Variants in PBRM1 observed in about 807,000 individuals in gnomAD.
PBRM1 encodes protein polybromo-1.
In PBRM1, 27 loss-of-function variants were observed where a neutral mutation model predicts 194.5. The ratio of observed to expected loss-of-function variants is 0.14; its 90% CI spans 0.10 to 0.19. The LOEUF (loss-of-function observed/expected upper bound fraction) is 0.19. PBRM1 is among the 10% of genes least tolerant of loss of function. PBRM1 has a pLI of 1.00. For synonymous variants in PBRM1, 655 were observed against 693.2 expected, an observed-to-expected ratio of 0.94 and a Z score of 0.87; for missense variants, 1,466 against 2,077.2, an observed-to-expected ratio of 0.71 and a Z score of 5.72.
chr3:52,549,067 C>G (rs1202666894), intron 29 of PBRM1, among the ~76,000 whole-genome samples: 1 of 150,790 alleles, frequency 6.6e-6, no homozygotes, highest in Admixed American at 6.6e-5. Context: ...GTCACCCAGG[C>G]TGGAGTGCAG....
At chr3:52,599,786 C>T (rs774037080) in intron 17 of PBRM1, among the ~76,000 whole-genome samples, 32 of 151,106 alleles carry the variant, frequency 2.1e-4, no homozygotes, top group Non-Finnish European at 3.4e-4. Flanking sequence ...ACTGAGATCA[C>T]GCCACTGCAC....
At chr3:52,569,175 AGCCACT>A (rs1300070879) in intron 22 of PBRM1, among the ~76,000 whole-genome samples, 1 of 151,182 alleles carries the variant, frequency 6.6e-6, no homozygotes, top group Non-Finnish European at 1.5e-5. Flanking sequence ...AACAGGAGTG[AGCCACT>A]GCACCCGATT....
intron 16 of PBRM1, among the ~76,000 whole-genome samples, chr3:52,604,628 G>C (rs144484028): frequency 3.3e-5 from 5 of 152,124 alleles, no homozygotes; most frequent in Non-Finnish European, 7.4e-5. Context: ...AGGAGTTCAA[G>C]GGTGCAGTAA....
intron 2 of PBRM1, among the ~76,000 whole-genome samples, chr3:52,674,642 A>AT (rs2097051198): frequency 0.012 from 821 of 69,194 alleles, 1 homozygote; most frequent in East Asian, 0.054. Flanking sequence ...AAAAAAAAAA[A>AT]AATATATATA....
chr3:52,629,208 T>C (rs978675915), intron 11 of PBRM1, among the ~76,000 whole-genome samples, 173 bp from the exon 13 acceptor site: 9 of 152,140 alleles, frequency 5.9e-5, no homozygotes, highest in Non-Finnish European at 7.4e-5. Flanking sequence ...AAAAGCACCA[T>C]TACATTAAGG....
intron 25 of PBRM1, 132 bp from the exon 28 acceptor site, chr3:52,558,545 G>T: frequency 1.4e-6 from 1 of 722,818 alleles, no homozygotes. Flanking sequence ...TAGATGACTA[G>T]TCTCAACACA....
At position 52,563,741 on chromosome 3, in the gene PBRM1, A is replaced by G. The variant is rs145283174; in HGVS notation, c.3876-248T>C. ...CCAAAGTTGGGATCTAGTTGCCTATACACAGCAAAAAGAGTTTTCATAATC... is the reference window on the plus strand; with the variant it reads ...CCAAAGTTGGGATCTAGTTGCCTATGCACAGCAAAAAGAGTTTTCATAATC... On this transcript the variant is annotated intron_variant, in intron 23 of 29. Transcript: ENST00000296302. Among the ~76,000 whole-genome samples the G allele has an allele frequency of 4.0e-3, 605 of 151,120 alleles. 3 individuals are homozygous for G. Among genetic ancestry groups the G allele is most frequent in the South Asian group, 0.022 (106 of 4,764 alleles).
intron 17 of PBRM1, among the ~76,000 whole-genome samples, 162 bp downstream of exon 19, chr3:52,603,359 T>C (rs186467746): frequency 2.6e-5 from 4 of 152,378 alleles, no homozygotes; most frequent in African/African-American, 9.6e-5. Flanking sequence ...GATGACCAAA[T>C]TGATAACTAT....
intron 10 of PBRM1, among the ~76,000 whole-genome samples, chr3:52,639,448 T>C (rs542150254): frequency 7.2e-5 from 11 of 152,250 alleles, no homozygotes; most frequent in African/African-American, 2.4e-4. Context: ...TTCTTTTTTT[T>C]TTTGGAGGCA....
intron 22 of PBRM1, among the ~76,000 whole-genome samples, chr3:52,572,893 A>C (rs2087914072): frequency 6.6e-6 from 1 of 152,210 alleles, no homozygotes; most frequent in South Asian, 2.1e-4. Flanking sequence ...TGAAATTATA[A>C]ATTCTCTAAA....
chr3:52,586,748 C>CAAAAAAAAAAA (rs35352950), intron 19 of PBRM1, 60 bp from the exon 22 acceptor site: 15 of 183,894 alleles, frequency 8.2e-5, no homozygotes, highest in South Asian at 1.5e-4. Context: ...GAAAATCAAT[C>CAAAAAAAAAAA]AAAAAAAAAA....
intron 25 of PBRM1, 81 bp from the exon 28 acceptor site, chr3:52,558,494 T>A: frequency 8.2e-7 from 1 of 1,214,148 alleles, no homozygotes; most frequent in Non-Finnish European, 1.1e-6. Context: ...ACAGGACTAG[T>A]AAAAACACAG....
chr3:52,680,945 T>C (rs1238127331), upstream of PBRM1, among the ~76,000 whole-genome samples: 1 of 151,754 alleles, frequency 6.6e-6, no homozygotes, highest in Non-Finnish European at 1.5e-5. Context: ...AAAAAAAAGA[T>C]CCCAGTTTCA....
chr3:52,571,547 A>G (rs1422015204), intron 22 of PBRM1, among the ~76,000 whole-genome samples: 1 of 148,320 alleles, frequency 6.7e-6, no homozygotes, highest in African/African-American at 2.5e-5. Flanking sequence ...AATAGCTTGA[A>G]CCCAGGAGGT....
rs774655494 is a variant in PBRM1 at position 52,662,183 on chromosome 3, C to T, written c.478G>A (p.Glu160Lys). ...TCTTGCCCATCTTCATCATCATCTTCGTCATCTGCTTCTCCTTTCTGAACA... is the reference window on the plus strand; with the variant it reads ...TCTTGCCCATCTTCATCATCATCTTTGTCATCTGCTTCTCCTTTCTGAACA... The change falls in exon 4 of 30, where the codon GAA becomes AAA. Residue 160 changes from glutamate to lysine, a missense_variant. By Grantham distance (56) the Glu-to-Lys change is moderately conservative (BLOSUM62 1). This residue lies in a region of PBRM1 where 457 missense variants were observed against 591.6 expected (regional missense o/e 0.77). Transcript: ENST00000296302. 7 of 1,614,050 alleles carry T rather than the reference C, an allele frequency of 4.3e-6. No individual in the cohort carries two copies. In the East Asian group the frequency reaches 1.1e-4, roughly 26 times the overall value.
intron 5 of PBRM1, among the ~76,000 whole-genome samples, chr3:52,655,126 A>G (rs1360978656): frequency 6.6e-6 from 1 of 152,116 alleles, no homozygotes; most frequent in East Asian, 1.9e-4. Context: ...TTAAGTGTAC[A>G]GTTCTGTGGC....
intron 4 of PBRM1, 87 bp downstream of exon 5, chr3:52,662,046 C>G: frequency 1.5e-6 from 2 of 1,334,410 alleles, no homozygotes; most frequent in Non-Finnish European, 2.1e-6. Context: ...ATTCTAGTTG[C>G]CCACAACAGC....
At chr3:52,665,041 G>A (rs968525158) in intron 3 of PBRM1, among the ~76,000 whole-genome samples, 2 of 152,124 alleles carry the variant, frequency 1.3e-5, no homozygotes, top group African/African-American at 4.8e-5. Flanking sequence ...AGAAAAGACA[G>A]ATAACCTTTA....
chr3:52,550,285 C>T (rs2080610224), intron 29 of PBRM1, 136 bp downstream of exon 31: 1 of 413,476 alleles, frequency 2.4e-6, no homozygotes, highest in Non-Finnish European at 4.2e-6. Flanking sequence ...AACTCCAAAC[C>T]ATTTATGAAA....
Sources: allele counts gnomAD v4.1 joint callset (sites outside exome capture counted in the v4.1 genomes callset), GRCh38; gene constraint gnomAD v4.1.1; regional missense constraint gnomAD v4.1.1; transcripts MANE v1.5; gene names NCBI Gene and HGNC (gene_info 2026-07-23, HGNC 2026-07-21).